IGDCC4: variants seen among roughly 807,000 people sequenced by gnomAD.
The protein encoded by IGDCC4 is likely ortholog of mouse neighbor of Punc E11.
Under a neutral mutation model 116.6 loss-of-function variants are expected in IGDCC4, and 72 were observed. The ratio of observed to expected loss-of-function variants is 0.62; its 90% CI spans 0.51 to 0.75. The LOEUF is 0.75. Ranked by LOEUF, IGDCC4 falls within the 30% of genes least tolerant of loss-of-function variation. IGDCC4 has a pLI of 0.00. For synonymous variants in IGDCC4, 709 were observed against 719.9 expected, an observed-to-expected ratio of 0.98 and a Z score of 0.24; for missense variants, 1,501 against 1,662.4, an observed-to-expected ratio of 0.90 and a Z score of 1.69.
Position 65,393,065 on chromosome 15 carries a change from A to G in IGDCC4, c.1885+296T>C, listed in dbSNP as rs779903374. On this transcript the variant is annotated intron_variant, in intron 10 of 19. Transcript: ENST00000352385. This position sits in a 1 kb window ranked among gnomAD's most constrained non-coding sequence, Gnocchi z 4.6. ...TCATCCTCGAAGCAGCTACAATTCA[A>G]TGAGTTTTTATGTACTAAGCACTTT... is the stretch of plus-strand genomic sequence containing the variant. 1.3e-5 allele frequency among the ~76,000 whole-genome samples: 2 copies of G among 152,202 alleles called. No individual in the cohort carries two copies. Among genetic ancestry groups the G allele is most frequent in the African/African-American group, 2.4e-5 (1 of 41,452 alleles).
intron 16 of IGDCC4, among the ~76,000 whole-genome samples, chr15:65,387,657 G>A (rs771877750): frequency 1.3e-5 from 2 of 151,346 alleles, no homozygotes; most frequent in East Asian, 1.9e-4. Context: ...CTGGCCGTCC[G>A]ACCTCTAATT....
At chr15:65,396,287 T>G in intron 6 of IGDCC4, 124 bp from the exon 7 acceptor site, 6 of 992,000 alleles carry the variant, frequency 6.0e-6, no homozygotes, top group Non-Finnish European at 8.9e-6. Flanking sequence ...CTTTAACCTC[T>G]CCCTGATTCA....
At chr15:65,398,704 A>T (rs1387088011) in intron 5 of IGDCC4, among the ~76,000 whole-genome samples, 4 of 151,974 alleles carry the variant, frequency 2.6e-5, no homozygotes, top group African/African-American at 9.7e-5. Context: ...ATCCTGGCTG[A>T]CACGGTGAAA....
In IGDCC4 at chr15:65,384,314, G is replaced by A; in HGVS notation, c.3448C>T (p.Leu1150Phe). ...SASNGNPDLH[L>F]QDLEPEDPLP... ...GGGTCCTCAGGCTCCAGGTCTTGGA[G>A]ATGGAGGTCAGGGTTCCCGTTAGAT... The change falls in exon 20 of 20, where the codon CTC becomes TTC. Residue 1150 changes from leucine (L) to phenylalanine (F), a missense_variant. Around this residue, in one of 3 missense-constraint regions of IGDCC4, gnomAD observed 368 missense variants for 355.6 expected, o/e 1.03. Coordinates refer to ENST00000352385, the MANE Select transcript of IGDCC4 (RefSeq NM_020962.3). This position sits in a 1 kb window ranked among gnomAD's most constrained non-coding sequence, Gnocchi z 4.9. 1 of 1,606,980 alleles carries A rather than the reference G, an allele frequency of 6.2e-7. No homozygotes were observed. The highest frequency in any genetic ancestry group is 8.5e-7 in the Non-Finnish European group (1 of 1,176,480).
rs548109593 is a variant in IGDCC4, at chr15:65,385,010, G to T, written c.3286C>A (p.Pro1096Thr). The change falls in exon 19 of 20, where the codon CCT becomes ACT. Residue 1096 changes from proline (P) to threonine (T), a missense_variant. Pro to Thr is a conservative substitution (Grantham distance 38). Coordinates refer to ENST00000352385, the MANE Select transcript of IGDCC4 (RefSeq NM_020962.3). The part of the protein sequence containing the change: ...RPALTRALLP[P>T]AGTGQTLLLQ... ...AACAGCGTCTGCCCAGTTCCAGCAG[G>T]GGGCAGCAGGGCCCGGGTCAGAGCC... 9.3e-6 allele frequency: 15 copies of T among 1,609,832 alleles called. No homozygotes were observed. The East Asian group carries it at 3.1e-4, about 34-fold the overall frequency.
chr15:65,397,735 A>T (rs1004851872), intron 5 of IGDCC4, among the ~76,000 whole-genome samples: 1 of 152,136 alleles, frequency 6.6e-6, no homozygotes, highest in Non-Finnish European at 1.5e-5. Context: ...GAACATTTTT[A>T]AAAATAGTAA....
At position 65,388,896 on chromosome 15, in the gene IGDCC4, C is replaced by T. The variant is rs757971707; in HGVS notation, c.2619G>A (p.Glu873=). 6.2e-7 allele frequency: 1 copy of T among 1,613,906 alleles called. No individual in the cohort carries two copies. The highest frequency in any genetic ancestry group is 8.5e-7 in the Non-Finnish European group (1 of 1,179,980). Residue 873 remains glutamate, a synonymous_variant, in exon 15 of 20, where the codon GAG becomes GAA. Coordinates refer to ENST00000352385, the MANE Select transcript of IGDCC4 (RefSeq NM_020962.3). ...GATACTCCACGATCTCCCCGTTGGG[C>T]TCTGTGGGGGGGCACCAGTGCAGCC... ...TVRLHWCPPT[E]PNGEIVEYLI... is the part of the protein sequence containing the mutation.
At chr15:65,407,676 A>G (rs781096183) in intron 3 of IGDCC4, among the ~76,000 whole-genome samples, 1 of 145,430 alleles carries the variant, frequency 6.9e-6, no homozygotes, top group African/African-American at 2.6e-5. Context: ...CCTGGGTGAC[A>G]GGTGAAGTGG....
rs763870347 is a variant in IGDCC4 at position 65,411,126 on chromosome 15, G to A, written c.315C>T (p.Asp105=). The A allele has an allele frequency of 1.7e-5, 27 of 1,614,056 alleles. No individual in the cohort carries two copies. The Admixed American group carries it at 2.2e-4, about 13-fold the overall frequency. The change falls in exon 2 of 20, where the codon GAC becomes GAT. Residue 105 remains aspartate (D), a synonymous_variant. Coordinates refer to ENST00000352385, the MANE Select transcript of IGDCC4 (RefSeq NM_020962.3). ...CCCCCACAGCCTCAGGGACTGACTC[G>A]TCACTGCCATTGGGTGCTAGTGGCT... The part of the protein sequence containing the change: ...LSQPLAPNGS[D]ESVPEAVGVI...
At chr15:65,400,638 G>A (rs919279514) in intron 5 of IGDCC4, among the ~76,000 whole-genome samples, 168 bp downstream of exon 5, 6 of 152,160 alleles carry the variant, frequency 3.9e-5, no homozygotes, top group East Asian at 3.9e-4. Flanking sequence ...AGTTCCCCAC[G>A]CAGCTCCGAC....
At chr15:65,410,795 AG>A in intron 2 of IGDCC4, 1 of 561,980 alleles carries the variant, frequency 1.8e-6, no homozygotes. Context: ...GGGAAAGAAA[AG>A]CAGAAGGAAC....
At position 65,384,394 on chromosome 15, in the gene IGDCC4, G is replaced by A. The variant is rs756190064; in HGVS notation, c.3368C>T (p.Pro1123Leu). The A allele has an allele frequency of 3.4e-5, 51 of 1,520,400 alleles. No homozygotes were observed. Among genetic ancestry groups the A allele is most frequent in the Non-Finnish European group, 4.0e-5 (45 of 1,137,540 alleles). The allele number at this position is 1,520,400 out of a possible 1,614,324, so 94.2% of individuals were successfully genotyped here. The change falls in exon 20 of 20, where the codon CCA becomes CTA. Residue 1123 changes from proline (P) to leucine (L), a missense_variant. Transcript: ENST00000352385. The surrounding 1 kb of genome is among the most constrained non-coding windows in gnomAD (Gnocchi z 4.9). ...AGCCTCCACCTGGTTCCTGCAGGCTGGGGGTGACTTCTTCCTCCCATTGCC... is the reference window on the plus strand; with the variant it reads ...AGCCTCCACCTGGTTCCTGCAGGCTAGGGGTGACTTCTTCCTCCCATTGCC... ...IKGNGRKKSPPACRNQVEAEV... is the reference protein window; with the variant it reads ...IKGNGRKKSPLACRNQVEAEV...
At chr15:65,389,012 C>T (rs757703557) in intron 14 of IGDCC4, 34 bp from the exon 15 acceptor site, 15 of 1,444,594 alleles carry the variant, frequency 1.0e-5, no homozygotes, top group Non-Finnish European at 1.4e-5. Context: ...GGAGAGATGT[C>T]AGAGCTGGGG....
At chr15:65,414,707 T>A (rs1355100450) in intron 1 of IGDCC4, among the ~76,000 whole-genome samples, 4 of 152,206 alleles carry the variant, frequency 2.6e-5, no homozygotes, top group Admixed American at 1.3e-4. Context: ...AGTGACATGA[T>A]CTCAGCTCAC....
rs2062908670 is a variant in IGDCC4 at position 65,395,125 on chromosome 15, G to A, written c.1545C>T (p.Ser515=). 3.7e-6 allele frequency: 6 copies of A among 1,613,508 alleles called. No individual in the cohort carries two copies. Among genetic ancestry groups the A allele is most frequent in the Non-Finnish European group, 5.1e-6 (6 of 1,179,646 alleles). The change falls in exon 8 of 20, where the codon TCC becomes TCT. Residue 515 remains serine, a synonymous_variant. Coordinates refer to ENST00000352385, the MANE Select transcript of IGDCC4 (RefSeq NM_020962.3). ...AYSQLGASRT[S]TPALVHTLDD... ...CCAGTGTGTGCACCAGTGCTGGGGT[G>A]GAGGTGCGGCTGGCTCCCAGCTGGG... is the stretch of plus-strand genomic sequence containing the variant.
chr15:65,401,058 A>G (rs1418746364), intron 4 of IGDCC4, 112 bp from the exon 5 acceptor site: 3 of 1,388,474 alleles, frequency 2.2e-6, no homozygotes, highest in Non-Finnish European at 3.0e-6. Flanking sequence ...AGCAGCAATG[A>G]TTCCATCTGT....
At chr15:65,415,759 C>G (rs2063136705) in intron 1 of IGDCC4, among the ~76,000 whole-genome samples, 1 of 152,212 alleles carries the variant, frequency 6.6e-6, no homozygotes, top group African/African-American at 2.4e-5. Flanking sequence ...TTCTCTCTGC[C>G]TCTGTGCTCA....
At chr15:65,391,528 T>G (rs976078954) in intron 12 of IGDCC4, among the ~76,000 whole-genome samples, 1 of 152,214 alleles carries the variant, frequency 6.6e-6, no homozygotes, top group African/African-American at 2.4e-5. Flanking sequence ...AGTCTGATAG[T>G]GTGATGTAGA....
chr15:65,390,397 T>C (rs2091503439), intron 12 of IGDCC4, 59 bp from the exon 13 acceptor site: 1 of 1,404,638 alleles, frequency 7.1e-7, no homozygotes, highest in Non-Finnish European at 9.7e-7. Context: ...CTTAAATATG[T>C]ATAGTGGTTT....
Sources: allele counts gnomAD v4.1 joint callset (sites outside exome capture counted in the v4.1 genomes callset), GRCh38; gene constraint gnomAD v4.1.1; regional missense constraint gnomAD v4.1.1; non-coding constraint Gnocchi (gnomAD v3.1); transcripts MANE v1.5; gene names NCBI Gene and HGNC (gene_info 2026-07-23, HGNC 2026-07-21).